PMP22: variants seen among roughly 807,000 people sequenced by gnomAD.
The protein encoded by PMP22 is Charcot-Marie-Tooth neuropathy 1A (greatly reduced nerve conduction velocity, hereditary motor sensory neuropathy Ia).
In PMP22, 2 loss-of-function variants were observed where a neutral mutation model predicts 18.9. The ratio of observed to expected loss-of-function variants is 0.11; its 90% CI spans 0.04 to 0.33. The LOEUF is 0.33. Ranked by LOEUF, PMP22 falls within the 10% of genes least tolerant of loss-of-function variation. The probability of loss-of-function intolerance (pLI) is 1.00; values close to 1 mark genes in which losing one functional copy is unlikely to be tolerated. For synonymous variants in PMP22, 95 were observed against 89.2 expected (o/e 1.07, Z -0.37); for missense variants, 169 against 202.2 (o/e 0.84, Z 1.00).
intron 3 of PMP22, among the ~76,000 whole-genome samples, chr17:15,257,088 C>T (rs1320603391): frequency 3.9e-5 from 6 of 152,048 alleles, no homozygotes; most frequent in Admixed American, 6.5e-5. Flanking sequence ...CGGAAAGCAA[C>T]GAGGCAGATT....
At chr17:15,231,132 C>T (rs759953352) in intron 4 of PMP22, 52 bp from the exon 5 acceptor site, 1 of 1,576,388 alleles carries the variant, frequency 6.3e-7, no homozygotes, top group Non-Finnish European at 8.7e-7. Flanking sequence ...GGCAGAGCGG[C>T]CCCCTCTCCG....
Position 15,240,910 on chromosome 17 carries a change from G to A in PMP22, c.179-1299C>T, listed in dbSNP as rs78685073. Among the ~76,000 whole-genome samples, 170 of 152,286 alleles carry A rather than the reference G, an allele frequency of 1.1e-3. 3 individuals carry two copies. In the East Asian group the frequency reaches 0.03, roughly 27 times the overall value. On this transcript the variant is annotated intron_variant, in intron 3 of 4. Transcript: ENST00000312280. ...TAACTGAGTAAGATAAACTTGTTTTGAGTTGTAAGCAGCTCATGGCAGAAT... is the reference window on the plus strand; with the variant it reads ...TAACTGAGTAAGATAAACTTGTTTTAAGTTGTAAGCAGCTCATGGCAGAAT...
chr17:15,261,948 C>G lies in PMP22; in HGVS notation c.-34-1187G>C. On this transcript the variant is annotated intron_variant, in intron 1 of 4. Coordinates refer to ENST00000312280, the MANE Select transcript of PMP22 (RefSeq NM_000304.4). The surrounding 1 kb of genome is among the most constrained non-coding windows in gnomAD (Gnocchi z 5.2). ...GGAAAGTACCCAATCCCAGGCCCCTCTGTTCCTCTCCACAAGCATCACATT... is the reference window on the plus strand; with the variant it reads ...GGAAAGTACCCAATCCCAGGCCCCTGTGTTCCTCTCCACAAGCATCACATT... 1 of 152,268 alleles carries G rather than the reference C, an allele frequency of 6.6e-6. No individual in the cohort carries two copies. Among genetic ancestry groups the G allele is most frequent in the East Asian group, 1.9e-4 (1 of 5,190 alleles). The allele number at this position is 152,268 out of a possible 1,614,324, so 9.4% of individuals were successfully genotyped here.
At chr17:15,252,211 C>T (rs1054545224) in intron 3 of PMP22, among the ~76,000 whole-genome samples, 8 of 152,116 alleles carry the variant, frequency 5.3e-5, no homozygotes, top group African/African-American at 2.4e-5. Flanking sequence ...GTGTCCTTGC[C>T]AAAATGACAG....
chr17:15,259,441 T>G (rs1205064001), intron 2 of PMP22, among the ~76,000 whole-genome samples: 1 of 152,130 alleles, frequency 6.6e-6, no homozygotes, highest in African/African-American at 2.4e-5. Context: ...GAACTCAACC[T>G]TAGACACCTG....
At chr17:15,241,899 A>G (rs1162783067) in intron 3 of PMP22, among the ~76,000 whole-genome samples, 1 of 152,212 alleles carries the variant, frequency 6.6e-6, no homozygotes. Context: ...CATAAGCACA[A>G]TAAATAAAAC....
In PMP22 at chr17:15,258,277, C is replaced by T. The variant is rs79708238; in HGVS notation, c.178+817G>A. Among the ~76,000 whole-genome samples, 1,274 of 152,260 alleles carry T rather than the reference C, an allele frequency of 8.4e-3. 92 individuals carry two copies. The East Asian group carries it at 0.16, about 19-fold the overall frequency. ...AGGTCCACGGGCTCTTAACATCAATCGCTATGGCCTACCCAGCCACCAAAA... is the reference window on the plus strand; with the variant it reads ...AGGTCCACGGGCTCTTAACATCAATTGCTATGGCCTACCCAGCCACCAAAA... On this transcript the variant is annotated intron_variant, in intron 3 of 4. Transcript: ENST00000312280. The surrounding 1 kb of genome is among the most constrained non-coding windows in gnomAD (Gnocchi z 4.1).
chr17:15,258,978 C>T lies in PMP22; in HGVS notation c.178+116G>A. On this transcript the variant is annotated intron_variant, in intron 3 of 4. Transcript: ENST00000312280. The surrounding 1 kb of genome is among the most constrained non-coding windows in gnomAD (Gnocchi z 4.1). ...TCATGGCTCCCTGTCACATCCCACC[C>T]CACCCCAGCAACGACATTCTGGCTT... 6.3e-6 allele frequency: 5 copies of T among 795,456 alleles called. No homozygotes were observed. The highest frequency in any genetic ancestry group is 1.1e-5 in the Non-Finnish European group (5 of 459,586). 49.3% of individuals were successfully genotyped at this position (795,456 alleles called of 1,614,324 possible).
In PMP22 at chr17:15,230,838, TTTTCTTTGTCTGC is replaced by T. The variant is rs773958994; in HGVS notation, c.*66_*78del. The T allele has an allele frequency of 2.6e-6, 4 of 1,541,104 alleles. No homozygotes were observed. The highest frequency in any genetic ancestry group is 3.6e-6 in the Non-Finnish European group (4 of 1,118,968). On this transcript the variant is annotated 3_prime_UTR_variant, in exon 5 of 5. Transcript: ENST00000312280. Reference sequence around the variant, plus strand: ...AGTTTGGGATTTTGGGCTAGCTCTTTTTTCTTTGTCTGCTTTCTGTTTTCCCTTCCTCCCTTCC... The same window carrying T: ...AGTTTGGGATTTTGGGCTAGCTCTTTTTTCTGTTTTCCCTTCCTCCCTTCC...
chr17:15,264,647 C>G (rs529602595), intron 1 of PMP22, among the ~76,000 whole-genome samples: 3 of 152,304 alleles, frequency 2.0e-5, no homozygotes, highest in African/African-American at 7.2e-5. Context: ...CAGGTCACAG[C>G]CACACCATAT....
chr17:15,239,511 C>G lies in PMP22; in HGVS notation c.279G>C (p.Gly93=). 6.2e-7 allele frequency: 1 copy of G among 1,614,130 alleles called. No homozygotes were observed. The highest frequency in any genetic ancestry group is 8.5e-7 in the Non-Finnish European group (1 of 1,179,988). ...FFCQLFTLTK[G]GRFYITGIFQ... ...AGATTCCAGTGATGTAAAACCTGCC[C>G]CCCTTGGTGAGGGTGAAGAGTTGGC... The change falls in exon 4 of 5, where the codon GGG becomes GGC. Residue 93 remains glycine (G), a synonymous_variant. Transcript: ENST00000312280.
At chr17:15,232,087 G>A (rs943125810) in intron 4 of PMP22, among the ~76,000 whole-genome samples, 14 of 151,974 alleles carry the variant, frequency 9.2e-5, no homozygotes, top group Non-Finnish European at 1.5e-4. Context: ...CCAGTATGCC[G>A]TGTGGGATTC....
intron 3 of PMP22, among the ~76,000 whole-genome samples, chr17:15,241,991 T>C (rs1054986013): frequency 2.0e-5 from 3 of 152,116 alleles, no homozygotes; most frequent in African/African-American, 7.2e-5. Flanking sequence ...TGGAATTTTA[T>C]CTTTGATTAA....
intron 3 of PMP22, among the ~76,000 whole-genome samples, chr17:15,253,859 A>G (rs1181875836): frequency 6.6e-6 from 1 of 152,142 alleles, no homozygotes; most frequent in East Asian, 1.9e-4. Flanking sequence ...TGTCTTATAT[A>G]GTTCTTACCA....
chr17:15,240,198 C>T (rs1312550079), intron 3 of PMP22, among the ~76,000 whole-genome samples: 1 of 152,136 alleles, frequency 6.6e-6, no homozygotes, highest in African/African-American at 2.4e-5. Flanking sequence ...CCTCAGGGGT[C>T]TTTGAAGGGC....
chr17:15,253,212 G>A (rs231028), intron 3 of PMP22, among the ~76,000 whole-genome samples: 17 of 151,874 alleles, frequency 1.1e-4, no homozygotes, highest in South Asian at 6.2e-4. Flanking sequence ...CATTCAAAGC[G>A]ACGCCATGGA....
chr17:15,239,950 CTA>C (rs1294605241), intron 3 of PMP22, among the ~76,000 whole-genome samples: 1 of 151,972 alleles, frequency 6.6e-6, no homozygotes, highest in African/African-American at 2.4e-5. Context: ...GTACGTGTTT[CTA>C]TATATATGTG....
intron 1 of PMP22, among the ~76,000 whole-genome samples, chr17:15,264,229 G>A (rs951948655): frequency 1.0e-5 from 1 of 96,240 alleles, no homozygotes; most frequent in South Asian, 2.9e-4. Context: ...TAGGTAGGTA[G>A]GTAGATAGAT....
chr17:15,260,551 G>A, intron 2 of PMP22, 99 bp downstream of exon 2: 1 of 1,020,720 alleles, frequency 9.8e-7, no homozygotes, highest in African/African-American at 1.6e-5. Context: ...ACTTCCAACT[G>A]TCTGCAAATA....
Sources: gnomAD v4.1 joint callset for allele counts (sites outside exome capture counted in the v4.1 genomes callset) on GRCh38, gnomAD v4.1.1 for gene constraint, Gnocchi (gnomAD v3.1) non-coding constraint, MANE v1.5 for transcripts, NCBI Gene and HGNC (gene_info 2026-07-23, HGNC 2026-07-21) for gene names.